TMOD2: variants seen among roughly 807,000 people sequenced by gnomAD.
The protein encoded by TMOD2 is tropomodulin 2, also known as tropomodulin-2.
Under a neutral mutation model 39.9 loss-of-function variants are expected in TMOD2, and 22 were observed. That is an observed-to-expected ratio of 0.55 (90% CI 0.39 to 0.79). The LOEUF (loss-of-function observed/expected upper bound fraction) is 0.79, where lower values mean the gene tolerates loss of function less well. Ranked by LOEUF, TMOD2 falls within the 30% of genes least tolerant of loss-of-function variation. The pLI is 0.00. For missense variants in TMOD2, 386 were observed against 413.3 expected, an observed-to-expected ratio of 0.93 and a Z score of 0.57; for synonymous variants, 123 against 146.1, an observed-to-expected ratio of 0.84 and a Z score of 1.14.
intron 7 of TMOD2, among the ~76,000 whole-genome samples, chr15:51,789,274 T>G (rs2055992857): frequency 6.6e-6 from 1 of 152,210 alleles, no homozygotes; most frequent in Non-Finnish European, 1.5e-5. Flanking sequence ...GGGCATTACA[T>G]AATGGTAAAG....
intron 5 of TMOD2, among the ~76,000 whole-genome samples, chr15:51,778,515 A>C (rs867529818): frequency 1.3e-5 from 2 of 150,410 alleles, no homozygotes; most frequent in South Asian, 4.2e-4. Context: ...ATTAAAAAAA[A>C]AAAAAGAAAG....
intron 1 of TMOD2, among the ~76,000 whole-genome samples, chr15:51,758,774 G>A (rs2055759616): frequency 6.6e-6 from 1 of 152,184 alleles, no homozygotes; most frequent in South Asian, 2.1e-4. Flanking sequence ...CCCTGAAGAA[G>A]TGAAGCTTGC....
intron 1 of TMOD2, among the ~76,000 whole-genome samples, chr15:51,759,443 A>G (rs1490907490): frequency 6.6e-6 from 1 of 152,236 alleles, no homozygotes; most frequent in Non-Finnish European, 1.5e-5. Context: ...GAGTTCCTCC[A>G]GAGAGAATAT....
At chr15:51,777,224 C>T (rs2055895809) in intron 5 of TMOD2, among the ~76,000 whole-genome samples, 2 of 151,936 alleles carry the variant, frequency 1.3e-5, no homozygotes. Flanking sequence ...TGTGTGTTGC[C>T]CAGAACACTT....
At chr15:51,753,089 A>G (rs1159361595) in intron 1 of TMOD2, among the ~76,000 whole-genome samples, 1 of 152,194 alleles carries the variant, frequency 6.6e-6, no homozygotes, top group South Asian at 2.1e-4. Context: ...ATGTGTATAC[A>G]CAGAAAAGAG....
In TMOD2 at chr15:51,781,143, G is replaced by A; in HGVS notation, c.593G>A (p.Ser198Asn). The A allele has an allele frequency of 1.9e-6, 3 of 1,610,838 alleles. No individual in the cohort carries two copies. The highest frequency in any genetic ancestry group is 2.5e-6 in the Non-Finnish European group (3 of 1,179,216). ...SLQQMKANDPSLQEVNLNNIK... is the reference protein window; with the variant it reads ...SLQQMKANDPNLQEVNLNNIK... ...CAGCAGATGAAAGCCAATGATCCTAGCTTGCAAGAAGTCAACCTCAACAAC... is the reference window on the plus strand; with the variant it reads ...CAGCAGATGAAAGCCAATGATCCTAACTTGCAAGAAGTCAACCTCAACAAC... The change falls in exon 6 of 10, where the codon AGC becomes AAC. Residue 198 changes from serine (S) to asparagine (N), a missense_variant. Transcript: ENST00000249700.
chr15:51,770,239 T>C (rs1684833178), intron 3 of TMOD2, among the ~76,000 whole-genome samples: 1 of 152,198 alleles, frequency 6.6e-6, no homozygotes, highest in Admixed American at 6.5e-5. Context: ...TCTCATGTAC[T>C]CTTCCTTCTG....
At chr15:51,768,134 TCACACGCA>T in intron 2 of TMOD2, 120 bp from the exon 3 acceptor site, 1 of 1,085,122 alleles carries the variant, frequency 9.2e-7, no homozygotes, top group Admixed American at 2.2e-5. Context: ...AGCCCTCAGC[TCACACGCA>T]CATTCTGCGT....
rs939467683 is a variant in TMOD2, at chr15:51,778,495, A to T, written c.493+1477A>T. On this transcript the variant is annotated intron_variant, in intron 5 of 9. Transcript: ENST00000249700. Reference sequence around the variant, plus strand: ...AAAACTTAAAGTATAATAATAATAAAAAATTAAAAATTAAAAAAAAAAAAA... The same window carrying T: ...AAAACTTAAAGTATAATAATAATAATAAATTAAAAATTAAAAAAAAAAAAA... 1.3e-4 allele frequency among the ~76,000 whole-genome samples: 16 copies of T among 123,816 alleles called. 1 individual carries two copies. Among genetic ancestry groups the T allele is most frequent in the Admixed American group, 9.4e-4 (11 of 11,708 alleles). The allele number at this position is 123,816 out of a possible 152,430, so 81.2% of individuals were successfully genotyped here. A position where few individuals can be genotyped will look rare whatever the true frequency, so the allele number is the denominator to read the frequency against.
At chr15:51,794,561 A>G in intron 7 of TMOD2, among the ~76,000 whole-genome samples, 1 of 152,158 alleles carries the variant, frequency 6.6e-6, no homozygotes, top group African/African-American at 2.4e-5. Context: ...ACCAAAAAAG[A>G]AAAAAGTGGT....
intron 7 of TMOD2, among the ~76,000 whole-genome samples, chr15:51,797,234 T>C (rs12905283): frequency 0.44 from 67,505 of 151,984 alleles, 15,342 homozygotes; most frequent in Admixed American, 0.52. Flanking sequence ...GAGGCGCCTC[T>C]GTTTCCGCAC....
chr15:51,780,769 G>A (rs1250207287), intron 5 of TMOD2, among the ~76,000 whole-genome samples: 1 of 152,178 alleles, frequency 6.6e-6, no homozygotes, highest in Non-Finnish European at 1.5e-5. Flanking sequence ...TGGATATTTT[G>A]AAAGTTGGAG....
intron 7 of TMOD2, among the ~76,000 whole-genome samples, chr15:51,789,726 C>T (rs532134935): frequency 3.9e-5 from 6 of 152,288 alleles, no homozygotes; most frequent in African/African-American, 4.8e-5. Flanking sequence ...TGCACAACTA[C>T]GTGGAAACTG....
At chr15:51,787,878 C>T (rs765894469) in intron 7 of TMOD2, among the ~76,000 whole-genome samples, 3 of 152,150 alleles carry the variant, frequency 2.0e-5, no homozygotes, top group Non-Finnish European at 2.9e-5. Flanking sequence ...CCAAAGGTAG[C>T]TAAAACCACA....
Position 51,809,143 on chromosome 15 carries a change from C to A in TMOD2, c.*689C>A. 6.6e-6 allele frequency: 1 copy of A among 152,624 alleles called. No individual in the cohort carries two copies. Among genetic ancestry groups the A allele is most frequent in the East Asian group, 1.9e-4 (1 of 5,198 alleles). 9.5% of individuals were successfully genotyped at this position (152,624 alleles called of 1,614,324 possible). Reference sequence around the variant, plus strand: ...ACAGGTAGCAAAATGAATTACACACCTACTTTTACTGACTATTCAACATAA... The same window carrying A: ...ACAGGTAGCAAAATGAATTACACACATACTTTTACTGACTATTCAACATAA... On this transcript the variant is annotated 3_prime_UTR_variant, in exon 10 of 10. Transcript: ENST00000249700.
chr15:51,801,604 G>A (rs756128618), intron 8 of TMOD2, among the ~76,000 whole-genome samples: 13 of 152,216 alleles, frequency 8.5e-5, no homozygotes, highest in Non-Finnish European at 1.8e-4. Context: ...GCAGGCTGCT[G>A]TGGCTAGGCT....
intron 4 of TMOD2, 102 bp downstream of exon 4, chr15:51,773,936 A>G (rs2055870819): frequency 7.5e-7 from 1 of 1,340,384 alleles, no homozygotes; most frequent in Non-Finnish European, 1.0e-6. Flanking sequence ...AGGTAGGAGA[A>G]TGACAGGTTG....
chr15:51,805,165 G>A (rs888536532), intron 8 of TMOD2, among the ~76,000 whole-genome samples: 4 of 151,340 alleles, frequency 2.6e-5, no homozygotes, highest in Admixed American at 6.6e-5. Context: ...TCACCATGTT[G>A]CCCGGGCTGG....
chr15:51,777,365 A>G (rs112424559), intron 5 of TMOD2, among the ~76,000 whole-genome samples: 10 of 152,216 alleles, frequency 6.6e-5, no homozygotes, highest in African/African-American at 2.2e-4. Flanking sequence ...GCAGCGTTTC[A>G]TGTTCCTGAG....
Sources: gnomAD v4.1 joint callset for allele counts (sites outside exome capture counted in the v4.1 genomes callset) on GRCh38, gnomAD v4.1.1 for gene constraint, MANE v1.5 for transcripts, NCBI Gene and HGNC (gene_info 2026-07-23, HGNC 2026-07-21) for gene names.